TLN2: variants seen among roughly 807,000 people sequenced by gnomAD.
TLN2 encodes talin 2, also known as talin-2.
A neutral mutation model predicts 294.7 loss-of-function variants in TLN2; 118 were observed. The ratio of observed to expected loss-of-function variants is 0.40; its 90% CI spans 0.34 to 0.47. TLN2 has a LOEUF of 0.47. TLN2 is among the 20% of genes least tolerant of loss of function. The pLI, the probability that TLN2 is intolerant of heterozygous loss-of-function variation, is 0.84. For synonymous variants in TLN2, 1,431 were observed against 1,304.5 expected, an observed-to-expected ratio of 1.10 and a Z score of -2.09; for missense variants, 3,083 against 3,282.2, an observed-to-expected ratio of 0.94 and a Z score of 1.48.
intron 1 of TLN2, among the ~76,000 whole-genome samples, chr15:62,572,775 A>G (rs2043998541): frequency 6.8e-6 from 1 of 147,700 alleles, no homozygotes; most frequent in South Asian, 2.3e-4. Flanking sequence ...TTGTCCTCTC[A>G]CACCCCCACT....
At chr15:62,706,776 G>A (rs1379292556) in intron 19 of TLN2, among the ~76,000 whole-genome samples, 2 of 152,172 alleles carry the variant, frequency 1.3e-5, no homozygotes, top group Admixed American at 6.5e-5. Flanking sequence ...TTCAAGAGAC[G>A]TGGTCAAGAC....
chr15:62,691,420 G>T (rs1234079224), intron 12 of TLN2, among the ~76,000 whole-genome samples: 2 of 151,984 alleles, frequency 1.3e-5, no homozygotes, highest in Admixed American at 6.6e-5. Context: ...GCCTTTTTCA[G>T]TTCTGTAATT....
intron 50 of TLN2, among the ~76,000 whole-genome samples, chr15:62,802,415 CA>C (rs930278481): frequency 2.4e-4 from 18 of 73,582 alleles, no homozygotes; most frequent in African/African-American, 6.9e-4. Context: ...CAATGGTACA[CA>C]CACACACACA....
At chr15:62,649,644 A>G (rs2140939624) in intron 4 of TLN2, among the ~76,000 whole-genome samples, 1 of 152,176 alleles carries the variant, frequency 6.6e-6, no homozygotes, top group East Asian at 1.9e-4. Context: ...GTCACTGGAG[A>G]CGTAAAGGCT....
chr15:62,455,397 T>A (rs2036415259), intron 1 of TLN2, among the ~76,000 whole-genome samples: 1 of 152,054 alleles, frequency 6.6e-6, no homozygotes, highest in Admixed American at 6.6e-5. Flanking sequence ...AGAGACTGAA[T>A]AAACCAAGAC....
intron 1 of TLN2, among the ~76,000 whole-genome samples, chr15:62,459,969 G>C (rs1467494672): frequency 6.6e-6 from 1 of 152,156 alleles, no homozygotes; most frequent in Non-Finnish European, 1.5e-5. Context: ...AAGAGGCAGC[G>C]GGTGACCCAC....
intron 57 of TLN2, among the ~76,000 whole-genome samples, chr15:62,837,568 T>C (rs2069873075): frequency 6.6e-6 from 1 of 152,214 alleles, no homozygotes; most frequent in South Asian, 2.1e-4. Context: ...CATTACCGAT[T>C]TAACTGGATG....
intron 1 of TLN2, among the ~76,000 whole-genome samples, chr15:62,503,982 T>G (rs1474534446): frequency 2.5e-5 from 3 of 118,184 alleles, no homozygotes; most frequent in Admixed American, 8.1e-5. Context: ...CATCTGCCTG[T>G]TTTTTCATCT....
At chr15:62,805,909 GC>G in intron 51 of TLN2, 124 bp downstream of exon 51, 1 of 1,078,482 alleles carries the variant, frequency 9.3e-7, no homozygotes, top group Non-Finnish European at 1.3e-6. Context: ...TGCACACAGG[GC>G]CAGGGGTAGT....
intron 45 of TLN2, among the ~76,000 whole-genome samples, chr15:62,787,971 C>T (rs1432985542): frequency 1.4e-5 from 2 of 147,586 alleles, no homozygotes; most frequent in Non-Finnish European, 3.0e-5. Context: ...GGATTACAGG[C>T]GTGAGCCACT....
chr15:62,410,135 A>G (rs763371299), intron 1 of TLN2, among the ~76,000 whole-genome samples: 7 of 152,020 alleles, frequency 4.6e-5, no homozygotes, highest in East Asian at 1.9e-4. Flanking sequence ...CCAGCTACTC[A>G]GGAGGCTGAG....
chr15:62,828,251 A>G (rs2068413263), intron 54 of TLN2: 1 of 152,432 alleles, frequency 6.6e-6, no homozygotes, highest in Non-Finnish European at 1.5e-5. Flanking sequence ...GAAGCTACCA[A>G]AAAGCCCAGG....
intron 1 of TLN2, among the ~76,000 whole-genome samples, chr15:62,577,867 C>G (rs951340207): frequency 2.0e-5 from 3 of 152,138 alleles, no homozygotes; most frequent in African/African-American, 7.2e-5. Flanking sequence ...TAACAGGCCC[C>G]ATTGTGTGAT....
chr15:62,722,510 G>T (rs1220953148), intron 26 of TLN2, 23 bp downstream of exon 26: 3 of 1,594,500 alleles, frequency 1.9e-6, no homozygotes, highest in Non-Finnish European at 1.7e-6. Flanking sequence ...TGTCATAGGG[G>T]TTAACTTGTC....
chr15:62,438,441 A>G lies in TLN2; in HGVS notation c.-238+47756A>G, dbSNP rs551877192. On this transcript the variant is annotated intron_variant, in intron 1 of 58. Coordinates refer to ENST00000636159, the MANE Select transcript of TLN2 (RefSeq NM_015059.3). ...CATTCCCCTCTGTAGATGGAAGTGC[A>G]CCTTTATCTGCTGAGATTTTATTCT... 6.6e-5 allele frequency among the ~76,000 whole-genome samples: 10 copies of G among 152,286 alleles called. No individual in the cohort carries two copies. In the South Asian group the frequency reaches 2.1e-3, roughly 32 times the overall value.
chr15:62,692,763 C>G, intron 12 of TLN2, 77 bp from the exon 13 acceptor site: 1 of 1,105,702 alleles, frequency 9.0e-7, no homozygotes. Flanking sequence ...TCATATTGTT[C>G]TAGAGCTGGA....
chr15:62,806,869 G>A (rs1417669207), intron 51 of TLN2, among the ~76,000 whole-genome samples: 3 of 152,124 alleles, frequency 2.0e-5, no homozygotes, highest in African/African-American at 7.2e-5. Context: ...GCCATTCTTT[G>A]TGGTAAAGTG....
chr15:62,751,292 G>T (rs757594138), intron 34 of TLN2, among the ~76,000 whole-genome samples: 1 of 152,190 alleles, frequency 6.6e-6, no homozygotes, highest in Non-Finnish European at 1.5e-5. Flanking sequence ...CTGAAACATG[G>T]TCACTTTTAT....
At chr15:62,831,799 G>T (rs1328075549) in intron 54 of TLN2, 1 of 152,226 alleles carries the variant, frequency 6.6e-6, no homozygotes, top group East Asian at 1.9e-4. Flanking sequence ...AAAAGGATTA[G>T]CACCTTTCAT....
Sources: gnomAD v4.1 joint callset for allele counts (sites outside exome capture counted in the v4.1 genomes callset) on GRCh38, gnomAD v4.1.1 for gene constraint, MANE v1.5 for transcripts, NCBI Gene and HGNC (gene_info 2026-07-23, HGNC 2026-07-21) for gene names.